Variants in NAV3 observed in about 807,000 individuals in gnomAD.
NAV3 encodes the protein pore membrane and/or filament interacting like protein 1.
NAV3 carries 87 observed loss-of-function variants against 244.7 expected under a neutral mutation model. The observed-to-expected ratio is 0.36, with a 90% confidence interval of 0.30 to 0.42. NAV3 has a LOEUF of 0.42. NAV3 is among the 20% of genes least tolerant of loss of function. The pLI, the probability that NAV3 is intolerant of heterozygous loss-of-function variation, is 1.00. For missense variants in NAV3, 2,663 were observed against 2,893.3 expected, an observed-to-expected ratio of 0.92 and a Z score of 1.83; for synonymous variants, 1,126 against 1,042.2, an observed-to-expected ratio of 1.08 and a Z score of -1.55.
At chr12:77,899,530 A>G (rs1337065840) in intron 1 of NAV3, among the ~76,000 whole-genome samples, 1 of 152,248 alleles carries the variant, frequency 6.6e-6, no homozygotes, top group Non-Finnish European at 1.5e-5. Context: ...TAATTAAGGT[A>G]TGCACATTAC....
intron 1 of NAV3, among the ~76,000 whole-genome samples, chr12:77,912,526 A>G (rs772526823): frequency 3.3e-5 from 5 of 152,140 alleles, no homozygotes; most frequent in Admixed American, 6.6e-5. Context: ...ATCTACATAT[A>G]CACATTTGTC....
intron 2 of NAV3, among the ~76,000 whole-genome samples, chr12:77,741,011 G>C (rs1365213000): frequency 6.6e-6 from 1 of 151,868 alleles, no homozygotes; most frequent in Non-Finnish European, 1.5e-5. Flanking sequence ...TGGGATAAAA[G>C]AGTAGAAGAC....
At chr12:77,777,749 A>C (rs150306152) in intron 2 of NAV3, among the ~76,000 whole-genome samples, 1,591 of 152,184 alleles carry the variant, frequency 0.01, 34 homozygotes, top group African/African-American at 0.036. Flanking sequence ...CAGAGAGGGG[A>C]GAAAAGACTA....
At chr12:77,979,401 A>G (rs1038310480) in intron 5 of NAV3, among the ~76,000 whole-genome samples, 2 of 151,954 alleles carry the variant, frequency 1.3e-5, no homozygotes, top group African/African-American at 4.8e-5. Flanking sequence ...ATATATATAT[A>G]GAAAAAAATA....
At chr12:77,701,230 A>C (rs1875545704) in intron 2 of NAV3, among the ~76,000 whole-genome samples, 1 of 151,914 alleles carries the variant, frequency 6.6e-6, no homozygotes, top group Admixed American at 6.6e-5. Context: ...TTCTTTAATG[A>C]TACAAAGCTA....
chr12:78,140,208 C>A, intron 19 of NAV3, 74 bp from the exon 20 acceptor site: 1 of 1,279,044 alleles, frequency 7.8e-7, no homozygotes, highest in Non-Finnish European at 1.1e-6. Context: ...CCGTTCTTTA[C>A]TTTTTCTGTA....
chr12:78,039,169 G>C (rs1002332176), intron 9 of NAV3, among the ~76,000 whole-genome samples: 1 of 152,056 alleles, frequency 6.6e-6, no homozygotes, highest in Non-Finnish European at 1.5e-5. Context: ...GAAGCATTCT[G>C]ATGCAATTCC....
At chr12:77,795,178 A>G (rs1456312066) in intron 2 of NAV3, among the ~76,000 whole-genome samples, 1 of 152,150 alleles carries the variant, frequency 6.6e-6, no homozygotes, top group Non-Finnish European at 1.5e-5. Flanking sequence ...TAAAAATGCT[A>G]CTCCATGAAT....
In NAV3 at chr12:78,212,732, C is replaced by A. The variant is rs986686033; in HGVS notation, c.*2215C>A. 1 of 152,620 alleles carries A rather than the reference C, an allele frequency of 6.6e-6. No individual in the cohort carries two copies. Among genetic ancestry groups the A allele is most frequent in the African/African-American group, 2.4e-5 (1 of 41,462 alleles). 9.5% of individuals were successfully genotyped at this position (152,620 alleles called of 1,614,324 possible). A position where few individuals can be genotyped will look rare whatever the true frequency, so the allele number is the denominator to read the frequency against. ...TTACAACTTAAACTAGTTTGTGAAA[C>A]ATTTGTCTGTATACATTTTATATTT... On this transcript the variant is annotated 3_prime_UTR_variant, in exon 40 of 40. Transcript: ENST00000397909.
At chr12:77,650,626 T>C (rs1030614651) in intron 2 of NAV3, among the ~76,000 whole-genome samples, 2 of 152,174 alleles carry the variant, frequency 1.3e-5, no homozygotes, top group African/African-American at 2.4e-5. Flanking sequence ...ACTTTAGTTA[T>C]TTAGTGTGGT....
intron 30 of NAV3, among the ~76,000 whole-genome samples, chr12:78,183,896 A>G (rs1239556291): frequency 6.6e-6 from 1 of 151,670 alleles, no homozygotes; most frequent in Non-Finnish European, 1.5e-5. Context: ...TACCCTAAAC[A>G]TCTCTGTGTT....
At chr12:77,934,690 A>G (rs895817583) in intron 1 of NAV3, among the ~76,000 whole-genome samples, 1 of 152,212 alleles carries the variant, frequency 6.6e-6, no homozygotes, top group Admixed American at 6.5e-5. Flanking sequence ...TTATTATCAT[A>G]GAAACCCTTG....
chr12:78,210,673 C>A lies in NAV3; in HGVS notation c.*156C>A. 1.3e-6 allele frequency: 1 copy of A among 760,124 alleles called. No homozygotes were observed. The highest frequency in any genetic ancestry group is 2.0e-5 in the South Asian group (1 of 50,730). The allele number at this position is 760,124 out of a possible 1,614,324, so 47.1% of individuals were successfully genotyped here. On this transcript the variant is annotated 3_prime_UTR_variant, in exon 40 of 40. Coordinates refer to ENST00000397909, the MANE Select transcript of NAV3 (RefSeq NM_001024383.2). ...GGAGGCAGCAGAACTAAGTCTGAAC[C>A]GCCAAGATGCTAAATTGCAATGGAA...
At position 77,744,951 on chromosome 12, in the gene NAV3, A is replaced by G. The variant is rs189695545; in HGVS notation, c.72+172685A>G. Among the ~76,000 whole-genome samples, 4 of 152,004 alleles carry G rather than the reference A, an allele frequency of 2.6e-5. No individual in the cohort carries two copies. In the East Asian group the frequency reaches 7.8e-4, roughly 29 times the overall value. ...CAGTGGTCCTAAAATACATCATAAG[A>G]GTGTTGTTTGGTACTAGATAACTCT... On this transcript the variant is annotated intron_variant, in intron 2 of 8. Transcript: ENST00000550042.
At chr12:78,195,342 A>C (rs1044118756) in intron 34 of NAV3, among the ~76,000 whole-genome samples, 5 of 151,494 alleles carry the variant, frequency 3.3e-5, no homozygotes, top group Non-Finnish European at 7.4e-5. Context: ...TATTCTTTAG[A>C]TTTCAATCCT....
At chr12:77,716,728 T>C (rs1442708523) in intron 2 of NAV3, among the ~76,000 whole-genome samples, 2 of 152,016 alleles carry the variant, frequency 1.3e-5, no homozygotes, top group Non-Finnish European at 2.9e-5. Flanking sequence ...TGTTAGAGTT[T>C]GACATATCTA....
At chr12:77,681,987 G>A (rs1874493178) in intron 2 of NAV3, among the ~76,000 whole-genome samples, 1 of 152,124 alleles carries the variant, frequency 6.6e-6, no homozygotes. Context: ...TTTTTGTGGT[G>A]AGGACACTTA....
intron 22 of NAV3, among the ~76,000 whole-genome samples, chr12:78,154,313 G>GCATATATTACTATATAATATATAA (rs1957207990): frequency 2.3e-5 from 3 of 130,482 alleles, no homozygotes; most frequent in African/African-American, 8.6e-5. Flanking sequence ...ATAATATATA[G>GCATATATTACTATATAATATATAA]TATATATATA....
intron 1 of NAV3, among the ~76,000 whole-genome samples, chr12:77,841,225 T>C (rs1476104515): frequency 1.3e-5 from 2 of 152,176 alleles, no homozygotes; most frequent in Non-Finnish European, 1.5e-5. Context: ...TGTAAAAATG[T>C]AACATTTTCC....
Sources: allele counts gnomAD v4.1 joint callset (sites outside exome capture counted in the v4.1 genomes callset), GRCh38; gene constraint gnomAD v4.1.1; transcripts MANE v1.5; gene names NCBI Gene and HGNC (gene_info 2026-07-23, HGNC 2026-07-21).